The following SLC46A3 variants were observed in gnomAD, a reference collection of about 807,000 sequenced individuals.
SLC46A3 encodes the protein lysosomal proton-coupled steroid conjugate and bile acid symporter SLC46A3.
SLC46A3 carries 26 observed loss-of-function variants against 38.5 expected under a neutral mutation model. The observed-to-expected ratio is 0.68, with a 90% CI of 0.49 to 0.94. The LOEUF is 0.94. SLC46A3 is among the 40% of genes least tolerant of loss of function. The probability of loss-of-function intolerance (pLI) is 0.00; values close to 1 mark genes in which losing one functional copy is unlikely to be tolerated. For missense variants in SLC46A3, 510 were observed against 544.3 expected, an observed-to-expected ratio of 0.94 and a Z score of 0.63; for synonymous variants, 185 against 192.5, an observed-to-expected ratio of 0.96 and a Z score of 0.32.
At position 28,713,263 on chromosome 13, in the gene SLC46A3, A is replaced by G; in HGVS notation, c.477T>C (p.Cys159=). ...GAATTGTTTTTTGTTTGTGTTCTTTACACTGATCAACTATATAGGCAAAGC... is the reference window on the plus strand; with the variant it reads ...GAATTGTTTTTTGTTTGTGTTCTTTGCACTGATCAACTATATAGGCAAAGC... ...GACFAYIVDQ[C]KEHKQKTIRI... is the part of the protein sequence containing the mutation. The change falls in exon 3 of 6, where the codon TGT becomes TGC. Residue 159 remains cysteine (C), a synonymous_variant. Transcript: ENST00000266943. 6.2e-7 allele frequency: 1 copy of G among 1,613,998 alleles called. No individual in the cohort carries two copies. The highest frequency in any genetic ancestry group is 8.5e-7 in the Non-Finnish European group (1 of 1,180,034).
chr13:28,708,415 A>G (rs1265472388), intron 4 of SLC46A3, among the ~76,000 whole-genome samples: 1 of 152,160 alleles, frequency 6.6e-6, no homozygotes, highest in Non-Finnish European at 1.5e-5. Flanking sequence ...CAGCATTTTC[A>G]TGCGCATATT....
chr13:28,701,470 GA>G lies in SLC46A3; in HGVS notation c.*26del. The stretch of plus-strand genomic sequence containing the variant: ...ATGGTATATGATATGTGCATTCATA[GA>G]TTTTTTTTGTTTGTTTAAATCACAG... On this transcript the variant is annotated 3_prime_UTR_variant, in exon 6 of 6. Coordinates refer to ENST00000266943, the MANE Select transcript of SLC46A3 (RefSeq NM_181785.4). 6.2e-7 allele frequency: 1 copy of G among 1,606,904 alleles called. No homozygotes were observed. The highest frequency in any genetic ancestry group is 1.3e-5 in the African/African-American group (1 of 74,518).
rs553771259 is a variant in SLC46A3, at chr13:28,713,001, T to C, written c.739A>G (p.Met247Val). Residue 247 changes from methionine (M) to valine (V), a missense_variant, in exon 3 of 6, where the codon ATG becomes GTG. Physicochemically the swap from Met to Val is conservative, Grantham distance 21. Transcript: ENST00000266943. ...GFKNLFYRTY[M>V]LFKNASGKRR... ...TTACCAGAAGCATTCTTAAAAAGCA[T>C]GTAAGTTCGGTAAAATAGGTTTTTG... The C allele has an allele frequency of 4.3e-6, 7 of 1,613,238 alleles. No homozygotes were observed. Among genetic ancestry groups the C allele is most frequent in the East Asian group, 4.5e-5 (2 of 44,876 alleles).
At chr13:28,713,706 C>T (rs9579226) in intron 2 of SLC46A3, among the ~76,000 whole-genome samples, 156 bp from the exon 3 acceptor site, 49,011 of 151,980 alleles carry the variant, frequency 0.32, 8,796 homozygotes, top group Non-Finnish European at 0.4. Flanking sequence ...ACATTTTCAT[C>T]CAGTTTATAA....
chr13:28,703,478 T>C (rs1049158903), intron 5 of SLC46A3, among the ~76,000 whole-genome samples: 11 of 152,176 alleles, frequency 7.2e-5, no homozygotes, highest in African/African-American at 2.7e-4. Flanking sequence ...TCTTCACCCA[T>C]GTCACTCTCT....
chr13:28,701,627 CATAA>C (rs1566117877), intron 5 of SLC46A3, 46 bp from the exon 6 acceptor site: 8 of 1,553,540 alleles, frequency 5.1e-6, no homozygotes, highest in Non-Finnish European at 7.0e-6. Flanking sequence ...TAAGACAATA[CATAA>C]ATAAGTAATC....
In SLC46A3 at chr13:28,712,870, G is replaced by C; in HGVS notation, c.870C>G (p.Leu290=). 6.2e-7 allele frequency: 1 copy of C among 1,611,046 alleles called. No individual in the cohort carries two copies. The highest frequency in any genetic ancestry group is 8.5e-7 in the Non-Finnish European group (1 of 1,179,348). The change falls in exon 3 of 6, where the codon CTC becomes CTG. Residue 290 remains leucine, a synonymous_variant. Transcript: ENST00000266943. ...IFILYELDSP[L]CWNEVFIGYG... ...AACCTATAAAAACTTCATTCCAGCA[G>C]AGTGGTGAATCCAATTCATAAAGGA...
chr13:28,704,384 T>C (rs1049641375), intron 4 of SLC46A3: 2 of 294,796 alleles, frequency 6.8e-6, no homozygotes, highest in Admixed American at 4.9e-5. Flanking sequence ...AAAAAGACAG[T>C]GCAGCTGACT....
chr13:28,712,879 A>C lies in SLC46A3; in HGVS notation c.861T>G (p.Asp287Glu). The part of the protein sequence containing the change: ...IAPIFILYEL[D>E]SPLCWNEVFI... ...AAACTTCATTCCAGCAGAGTGGTGA[A>C]TCCAATTCATAAAGGATAAAAATTG... Residue 287 changes from aspartate (D) to glutamate (E), a missense_variant, in exon 3 of 6, where the codon GAT (aspartate) becomes GAG (glutamate). Asp to Glu is a conservative substitution (Grantham distance 45). Coordinates refer to ENST00000266943, the MANE Select transcript of SLC46A3 (RefSeq NM_181785.4). 6.2e-7 allele frequency: 1 copy of C among 1,611,196 alleles called. No homozygotes were observed. Among genetic ancestry groups the C allele is most frequent in the Non-Finnish European group, 8.5e-7 (1 of 1,179,358 alleles).
chr13:28,712,043 C>T (rs898856671), intron 3 of SLC46A3, among the ~76,000 whole-genome samples: 1 of 152,160 alleles, frequency 6.6e-6, no homozygotes, highest in African/African-American at 2.4e-5. Context: ...GGGGTTAACA[C>T]TTTTATTAGA....
In SLC46A3 at chr13:28,712,695, G is replaced by C. The variant is rs775440378; in HGVS notation, c.1045C>G (p.Leu349Val). 1.3e-6 allele frequency: 2 copies of C among 1,595,652 alleles called. No individual in the cohort carries two copies. Among genetic ancestry groups the C allele is most frequent in the Middle Eastern group, 1.7e-4 (1 of 5,932 alleles). Residue 349 changes from leucine (L) to valine (V), a missense_variant, in exon 3 of 6, where the codon CTG (leucine) becomes GTG (valine). Leu to Val is a conservative substitution (Grantham distance 32). Transcript: ENST00000266943. ...MAMTAFASTTLMMFLARVPFL... is the reference protein window; with the variant it reads ...MAMTAFASTTVMMFLARVPFL... ...TGGAACTCACCTAAAAACATCATCA[G>C]TGTTGTACTGGCAAACGCGGTCATA...
Position 28,701,105 on chromosome 13 carries a change from GAAGAAACTGAGGTA to G in SLC46A3, c.*378_*391del. 6.9e-7 allele frequency: 1 copy of G among 1,445,988 alleles called. No individual in the cohort carries two copies. The highest frequency in any genetic ancestry group is 2.5e-5 in the East Asian group (1 of 39,744). 89.6% of individuals were successfully genotyped at this position (1,445,988 alleles called of 1,614,324 possible). A position where few individuals can be genotyped will look rare whatever the true frequency, so the allele number is the denominator to read the frequency against. On this transcript the variant is annotated 3_prime_UTR_variant, in exon 6 of 6. Coordinates refer to ENST00000266943, the MANE Select transcript of SLC46A3 (RefSeq NM_181785.4). The stretch of plus-strand genomic sequence containing the variant: ...GAGGCCAGAAACCCATTCTGCTGAT[GAAGAAACTGAGGTA>G]AAGATTTCTCTTTGGTCTCAGTGTA...
chr13:28,710,387 C>G (rs1024867062), intron 4 of SLC46A3, among the ~76,000 whole-genome samples: 1 of 152,230 alleles, frequency 6.6e-6, no homozygotes, highest in African/African-American at 2.4e-5. Flanking sequence ...AGAGGATCAT[C>G]CAGGCCCTTA....
In SLC46A3 at chr13:28,704,032, A is replaced by G. The variant is rs747541726; in HGVS notation, c.1212T>C (p.Asn404=). 4 of 1,613,902 alleles carry G rather than the reference A, an allele frequency of 2.5e-6. No homozygotes were observed. Among genetic ancestry groups the G allele is most frequent in the South Asian group, 1.1e-5 (1 of 91,066 alleles). Residue 404 remains asparagine (N), a synonymous_variant, in exon 5 of 6, where the codon AAT becomes AAC. Coordinates refer to ENST00000266943, the MANE Select transcript of SLC46A3 (RefSeq NM_181785.4). ...AAGCAACAGTGGCTGAGTAAATTCCATTAAAAGTAGAAACTGCAGTGACTC... is the reference window on the plus strand; with the variant it reads ...AAGCAACAGTGGCTGAGTAAATTCCGTTAAAAGTAGAAACTGCAGTGACTC... ...LGGVTAVSTF[N]GIYSATVAWY...
Position 28,701,442 on chromosome 13 carries a change from G to C in SLC46A3, c.*55C>G. On this transcript the variant is annotated 3_prime_UTR_variant, in exon 6 of 6. Transcript: ENST00000266943. ...TGGAATTCATTTATAGTCTTCAGAA[G>C]TCATGGTATATGATATGTGCATTCA... 3.1e-6 allele frequency: 5 copies of C among 1,591,044 alleles called. No homozygotes were observed. The highest frequency in any genetic ancestry group is 4.3e-6 in the Non-Finnish European group (5 of 1,172,474).
rs376271840 is a variant in SLC46A3 at position 28,713,273 on chromosome 13, A to G, written c.467T>C (p.Val156Ala). ...TTGTTTGTGTTCTTTACACTGATCA[A>G]CTATATAGGCAAAGCAAGCTCCCCA... ...TFWGACFAYI[V>A]DQCKEHKQKT... The change falls in exon 3 of 6, where the codon GTT (valine) becomes GCT (alanine). Residue 156 changes from valine to alanine, a missense_variant. Transcript: ENST00000266943. 1.1e-5 allele frequency: 18 copies of G among 1,613,880 alleles called. No homozygotes were observed. The African/African-American group carries it at 1.9e-4, about 17-fold the overall frequency.
Position 28,704,020 on chromosome 13 carries a change from T to C in SLC46A3, c.1224A>G (p.Ser408=). 1 of 1,613,682 alleles carries C rather than the reference T, an allele frequency of 6.2e-7. No homozygotes were observed. Among genetic ancestry groups the C allele is most frequent in the East Asian group, 2.2e-5 (1 of 44,870 alleles). Residue 408 remains serine (S), a synonymous_variant, in exon 5 of 6, where the codon TCA becomes TCG. Coordinates refer to ENST00000266943, the MANE Select transcript of SLC46A3 (RefSeq NM_181785.4). ...AGCCAGGGTACCAAGCAACAGTGGC[T>C]GAGTAAATTCCATTAAAAGTAGAAA... ...TAVSTFNGIY[S]ATVAWYPGFT...
intron 2 of SLC46A3, 97 bp from the exon 3 acceptor site, chr13:28,713,647 A>G (rs1885439453): frequency 4.1e-6 from 5 of 1,206,744 alleles, no homozygotes; most frequent in Middle Eastern, 2.9e-4. Flanking sequence ...TGTGGCCAGT[A>G]GGTTATGGGT....
intron 5 of SLC46A3, among the ~76,000 whole-genome samples, chr13:28,702,840 TC>T (rs1885066381): frequency 6.6e-6 from 1 of 152,256 alleles, no homozygotes; most frequent in East Asian, 1.9e-4. Flanking sequence ...GGCACTTTCC[TC>T]CCTAACTCAG....
Sources: gnomAD v4.1 joint callset for allele counts (sites outside exome capture counted in the v4.1 genomes callset) on GRCh38, gnomAD v4.1.1 for gene constraint, MANE v1.5 for transcripts, NCBI Gene and HGNC (gene_info 2026-07-23, HGNC 2026-07-21) for gene names.